The following RASGRP3 variants were observed in gnomAD, a reference collection of about 807,000 sequenced individuals.
RASGRP3 encodes the protein ras guanyl-releasing protein 3.
A neutral mutation model predicts 82.7 loss-of-function variants in RASGRP3; 54 were observed. The observed-to-expected ratio is 0.65, with a 90% confidence interval of 0.52 to 0.82. The LOEUF is 0.82. RASGRP3 is among the 40% of genes least tolerant of loss of function. The probability of loss-of-function intolerance (pLI) is 0.00; values close to 1 mark genes in which losing one functional copy is unlikely to be tolerated. For missense variants in RASGRP3, 861 were observed against 828.9 expected (o/e 1.04, Z -0.48); for synonymous variants, 309 against 300.5 (o/e 1.03, Z -0.29).
intron 13 of RASGRP3, among the ~76,000 whole-genome samples, chr2:33,545,765 A>T (rs930032883): frequency 3.3e-5 from 5 of 149,788 alleles, no homozygotes; most frequent in African/African-American, 1.2e-4. Flanking sequence ...AACTACGATG[A>T]GATATCACCT....
At chr2:33,506,435 A>G (rs1474430428) in intron 1 of RASGRP3, among the ~76,000 whole-genome samples, 7 of 152,248 alleles carry the variant, frequency 4.6e-5, no homozygotes, top group East Asian at 1.9e-4. Context: ...AATGGAGATA[A>G]TAAGACCTTA....
chr2:33,456,796 T>C (rs535895019), intron 2 of RASGRP3, among the ~76,000 whole-genome samples: 4 of 152,320 alleles, frequency 2.6e-5, no homozygotes, highest in Non-Finnish European at 5.9e-5. Context: ...GGTCTGCTAG[T>C]TTTTTGTAAA....
At chr2:33,449,925 C>G (rs1032588340) in intron 2 of RASGRP3, among the ~76,000 whole-genome samples, 1 of 152,054 alleles carries the variant, frequency 6.6e-6, no homozygotes, top group Non-Finnish European at 1.5e-5. Context: ...TGCCTTTAAA[C>G]AACTGTAAGC....
chr2:33,543,642 T>A lies in RASGRP3; in HGVS notation c.1394+15T>A. ...GACAAAGATCAGTAAGTTTTAATTT[T>A]GTTTTATTTTAATGCAACTATCCTA... On this transcript the variant is annotated intron_variant, in intron 13 of 17. Coordinates refer to ENST00000403687, the MANE Select transcript of RASGRP3 (RefSeq NM_001139488.2). 2 of 1,523,624 alleles carry A rather than the reference T, an allele frequency of 1.3e-6. No individual in the cohort carries two copies. The highest frequency in any genetic ancestry group is 1.8e-6 in the Non-Finnish European group (2 of 1,108,786). 94.4% of individuals were successfully genotyped at this position (1,523,624 alleles called of 1,614,324 possible).
chr2:33,497,098 A>G (rs977506739), intron 1 of RASGRP3, among the ~76,000 whole-genome samples: 5 of 151,952 alleles, frequency 3.3e-5, no homozygotes, highest in African/African-American at 1.2e-4. Context: ...TTTAATTTGT[A>G]TTTTTCTGTT....
Position 33,558,226 on chromosome 2 carries a change from G to A in RASGRP3, c.1595G>A (p.Cys532Tyr). 1.2e-6 allele frequency: 2 copies of A among 1,611,414 alleles called. No individual in the cohort carries two copies. The highest frequency in any genetic ancestry group is 1.7e-6 in the Non-Finnish European group (2 of 1,178,864). Residue 532 changes from cysteine to tyrosine, a missense_variant, in exon 16 of 18, where the codon TGT becomes TAT. Cys to Tyr is a radical substitution (Grantham distance 194). Transcript: ENST00000403687. ...AATTTTTCAGACTGTGGAGCCAATT[G>A]TCACAAACAGTGCAAAGACCTCCTG... ...GYKCKDCGAN[C>Y]HKQCKDLLVL...
chr2:33,471,838 C>T (rs1252468011), upstream of RASGRP3, among the ~76,000 whole-genome samples: 4 of 152,090 alleles, frequency 2.6e-5, no homozygotes, highest in African/African-American at 9.7e-5. Context: ...ATTCTCATCA[C>T]TGAAACCTTC....
chr2:33,438,098 A>C (rs992915096), intron 1 of RASGRP3, among the ~76,000 whole-genome samples: 5 of 152,268 alleles, frequency 3.3e-5, no homozygotes, highest in African/African-American at 1.2e-4. Context: ...AACAACGTTC[A>C]CATTTGACAC....
At chr2:33,482,713 G>A (rs1668044774) in intron 1 of RASGRP3, 1 of 152,176 alleles carries the variant, frequency 6.6e-6, no homozygotes, top group South Asian at 2.1e-4. Flanking sequence ...TTCATTGTAT[G>A]ACAGCATCAT....
intron 14 of RASGRP3, among the ~76,000 whole-genome samples, chr2:33,552,836 C>T (rs1675500629): frequency 6.6e-6 from 1 of 152,206 alleles, no homozygotes; most frequent in African/African-American, 2.4e-5. Context: ...AACCATGAGT[C>T]ACACCCAGGT....
At chr2:33,558,638 A>G in intron 16 of RASGRP3, 34 bp from the exon 17 acceptor site, 3 of 1,526,628 alleles carry the variant, frequency 2.0e-6, no homozygotes, top group African/African-American at 1.4e-5. Context: ...AAGCAGTCAG[A>G]TGTCAAATAA....
intron 2 of RASGRP3, chr2:33,447,967 C>T (rs1006425337): frequency 6.6e-6 from 1 of 152,176 alleles, no homozygotes; most frequent in African/African-American, 2.4e-5. Flanking sequence ...CACATACCAC[C>T]TTTATTTTCT....
At position 33,456,066 on chromosome 2, in the gene RASGRP3, C is replaced by T. The variant is rs72802090; in HGVS notation, c.-261+8123C>T. Among the ~76,000 whole-genome samples, 1,331 of 152,316 alleles carry T rather than the reference C, an allele frequency of 8.7e-3. 21 individuals carry two copies. Among genetic ancestry groups the T allele is most frequent in the Non-Finnish European group, 0.012 (831 of 68,022 alleles). ...CCCCTTTCCATTTCTCCCACCCTCT[C>T]CTCTTCCCACCAAAGTTACTTTCCT... is the stretch of plus-strand genomic sequence containing the variant. On this transcript the variant is annotated intron_variant, in intron 2 of 18. Coordinates refer to the RASGRP3 transcript ENST00000402538.
intron 1 of RASGRP3, among the ~76,000 whole-genome samples, chr2:33,507,477 C>G (rs1670497561): frequency 6.6e-6 from 1 of 152,130 alleles, no homozygotes; most frequent in African/African-American, 2.4e-5. Context: ...AAAGGTGGCT[C>G]TGGTGGTAGT....
At chr2:33,535,861 C>T (rs544761164) in intron 11 of RASGRP3, among the ~76,000 whole-genome samples, 21 of 152,316 alleles carry the variant, frequency 1.4e-4, no homozygotes, top group Non-Finnish European at 2.2e-4. Context: ...TTTGTCATGA[C>T]GAACCTGGCC....
At chr2:33,505,255 A>G (rs1286600359) in intron 1 of RASGRP3, among the ~76,000 whole-genome samples, 2 of 151,776 alleles carry the variant, frequency 1.3e-5, no homozygotes, top group Non-Finnish European at 2.9e-5. Flanking sequence ...TATTTCAGGG[A>G]ATTTGAGACC....
chr2:33,538,925 G>A (rs1673936928), intron 11 of RASGRP3, among the ~76,000 whole-genome samples, 169 bp from the exon 12 acceptor site: 1 of 152,116 alleles, frequency 6.6e-6, no homozygotes, highest in Non-Finnish European at 1.5e-5. Flanking sequence ...TGTAGTCCTA[G>A]ATACTTGGGA....
intron 11 of RASGRP3, among the ~76,000 whole-genome samples, chr2:33,537,768 G>A (rs1673803864): frequency 6.6e-6 from 1 of 152,200 alleles, no homozygotes; most frequent in Non-Finnish European, 1.5e-5. Flanking sequence ...GATATAAAGT[G>A]AACACCAGTC....
chr2:33,558,852 G>T lies in RASGRP3; in HGVS notation c.1886G>T (p.Gly629Val). The T allele has an allele frequency of 6.2e-7, 1 of 1,613,984 alleles. No individual in the cohort carries two copies. Among genetic ancestry groups the T allele is most frequent in the Non-Finnish European group, 8.5e-7 (1 of 1,179,882 alleles). The change falls in exon 17 of 18, where the codon GGG becomes GTG. Residue 629 changes from glycine to valine, a missense_variant. Transcript: ENST00000403687. The stretch of plus-strand genomic sequence containing the variant: ...TCAGAGGCTGGCTGGGGGGACTCGG[G>T]GTCCCACACCTTCCCTAAAATGAAA... ...VWSEAGWGDS[G>V]SHTFPKMKSK...
Sources: gnomAD v4.1 joint callset for allele counts (sites outside exome capture counted in the v4.1 genomes callset) on GRCh38, gnomAD v4.1.1 for gene constraint, MANE v1.5 for transcripts, NCBI Gene and HGNC (gene_info 2026-07-23, HGNC 2026-07-21) for gene names.